The following RMST variants were observed in gnomAD, a reference collection of about 807,000 sequenced individuals.
RMST encodes the protein rhabdomyosarcoma 2 associated transcript, also known as long intergenic non-protein coding RNA 54.
chr12:97,550,992 C>G (rs1883270817), intron 11 of RMST, among the ~76,000 whole-genome samples: 1 of 152,042 alleles, frequency 6.6e-6, no homozygotes, highest in African/African-American at 2.4e-5. Context: ...TAGAAGAGAA[C>G]ACTTAACTAA....
chr12:97,466,834 G>A (rs1873250282), intron 5 of RMST, among the ~76,000 whole-genome samples: 3 of 152,028 alleles, frequency 2.0e-5, no homozygotes, highest in Non-Finnish European at 1.5e-5. Flanking sequence ...TTTCAGAAAA[G>A]TCTTCATGCA....
At chr12:97,529,534 A>T (rs1881437928) in intron 10 of RMST, among the ~76,000 whole-genome samples, 1 of 152,092 alleles carries the variant, frequency 6.6e-6, no homozygotes, top group South Asian at 2.1e-4. Flanking sequence ...TAATTTATTG[A>T]TAAATATAAC....
intron 11 of RMST, among the ~76,000 whole-genome samples, chr12:97,544,301 A>T (rs960219113): frequency 3.3e-5 from 5 of 152,104 alleles, no homozygotes; most frequent in African/African-American, 1.2e-4. Flanking sequence ...AAGACATATT[A>T]TATAACTTTT....
intron 11 of RMST, among the ~76,000 whole-genome samples, chr12:97,553,717 C>G (rs1883472688): frequency 6.6e-6 from 1 of 152,062 alleles, no homozygotes; most frequent in Non-Finnish European, 1.5e-5. Flanking sequence ...ATAATGTAGA[C>G]TCAAATCAAA....
At chr12:97,492,979 A>C (rs1451854397) in intron 6 of RMST, 4 of 152,242 alleles carry the variant, frequency 2.6e-5, no homozygotes, top group Non-Finnish European at 5.9e-5. Flanking sequence ...GAAACCTAAG[A>C]AAGTTATGTT....
chr12:97,548,851 A>T (rs1883122605), intron 11 of RMST, among the ~76,000 whole-genome samples: 1 of 152,156 alleles, frequency 6.6e-6, no homozygotes, highest in Non-Finnish European at 1.5e-5. Context: ...TTTTGATCAC[A>T]TAAAAAAACA....
At chr12:97,509,675 C>T (rs117923541) in intron 10 of RMST, among the ~76,000 whole-genome samples, 180 of 152,254 alleles carry the variant, frequency 1.2e-3, no homozygotes, top group South Asian at 5.0e-3. Context: ...GAGACAAATA[C>T]GAGTAAGATC....
chr12:97,519,784 A>T (rs1251868503), intron 10 of RMST, among the ~76,000 whole-genome samples: 1 of 152,204 alleles, frequency 6.6e-6, no homozygotes, highest in Non-Finnish European at 1.5e-5. Flanking sequence ...TAGTTATAGA[A>T]CCAGCTTATA....
chr12:97,474,650 G>C (rs1051400623), intron 5 of RMST, among the ~76,000 whole-genome samples: 3 of 133,402 alleles, frequency 2.2e-5, no homozygotes, highest in Admixed American at 1.6e-4. Context: ...AAAAAACCTT[G>C]AGAAGGACAA....
chr12:97,564,692 C>T (rs1884403067), exon 14 of RMST: 1 of 152,218 alleles, frequency 6.6e-6, no homozygotes, highest in Non-Finnish European at 1.5e-5. Flanking sequence ...TCTATTTTCT[C>T]TCCTGTTCCC....
At chr12:97,476,119 T>C (rs1341420894) in intron 5 of RMST, among the ~76,000 whole-genome samples, 1 of 152,174 alleles carries the variant, frequency 6.6e-6, no homozygotes, top group Non-Finnish European at 1.5e-5. Context: ...TGAATGCTAG[T>C]CTATAAGGCA....
At chr12:97,525,666 T>C (rs895142857) in intron 10 of RMST, among the ~76,000 whole-genome samples, 1 of 151,594 alleles carries the variant, frequency 6.6e-6, no homozygotes, top group Non-Finnish European at 1.5e-5. Flanking sequence ...TCATAAAGAG[T>C]TATGAAATAT....
chr12:97,505,515 C>G (rs1187624089), intron 10 of RMST, among the ~76,000 whole-genome samples: 1 of 152,222 alleles, frequency 6.6e-6, no homozygotes, highest in African/African-American at 2.4e-5. Context: ...CACTGTGAAT[C>G]ACAAGTGGTT....
chr12:97,544,429 T>C (rs1365816128), intron 11 of RMST, among the ~76,000 whole-genome samples: 2 of 152,024 alleles, frequency 1.3e-5, no homozygotes, highest in African/African-American at 4.8e-5. Flanking sequence ...AGTGCCAGAA[T>C]TGTAAATTCC....
At chr12:97,549,454 C>A (rs1010749297) in intron 11 of RMST, among the ~76,000 whole-genome samples, 1 of 152,106 alleles carries the variant, frequency 6.6e-6, no homozygotes, top group African/African-American at 2.4e-5. Context: ...TTAAAATTAG[C>A]CCGAAAGGGC....
intron 11 of RMST, among the ~76,000 whole-genome samples, chr12:97,557,044 A>G (rs1243593055): frequency 6.6e-6 from 1 of 152,212 alleles, no homozygotes; most frequent in African/African-American, 2.4e-5. Context: ...AAGTTAAAAT[A>G]GAATACACCA....
At chr12:97,506,833 A>C (rs1184542023) in intron 10 of RMST, among the ~76,000 whole-genome samples, 1 of 151,566 alleles carries the variant, frequency 6.6e-6, no homozygotes. Flanking sequence ...ACAGGCACGC[A>C]CCACCACTCC....
At chr12:97,502,064 A>G (rs1410649796) in intron 10 of RMST, among the ~76,000 whole-genome samples, 1 of 152,104 alleles carries the variant, frequency 6.6e-6, no homozygotes, top group Admixed American at 6.5e-5. Context: ...CAATCATTGC[A>G]TTATATGTGT....
intron 5 of RMST, among the ~76,000 whole-genome samples, chr12:97,479,438 C>A (rs997991207): frequency 6.6e-6 from 1 of 152,182 alleles, no homozygotes; most frequent in Non-Finnish European, 1.5e-5. Context: ...TAGGCGTGAG[C>A]CACAATGCCC....
Sources: gnomAD v4.1 joint callset for allele counts (sites outside exome capture counted in the v4.1 genomes callset) on GRCh38, gnomAD v4.1.1 for gene constraint, MANE v1.5 for transcripts, NCBI Gene and HGNC (gene_info 2026-07-23, HGNC 2026-07-21) for gene names.